The following ADAMTSL3 variants were observed in gnomAD, a reference collection of about 807,000 sequenced individuals.
ADAMTSL3 encodes the protein ADAMTS-like protein 3.
ADAMTSL3 carries 128 observed loss-of-function variants against 201.7 expected under a neutral mutation model. The observed-to-expected ratio is 0.63, with a 90% CI of 0.55 to 0.73. The LOEUF is 0.73. Ranked by LOEUF, ADAMTSL3 falls within the 30% of genes least tolerant of loss-of-function variation. The pLI is 0.00. For missense variants in ADAMTSL3, 1,990 were observed against 2,119.6 expected (o/e 0.94, Z 1.20); for synonymous variants, 738 against 748.4 (o/e 0.99, Z 0.23).
chr15:83,911,074 G>C (rs1249001790), intron 15 of ADAMTSL3, among the ~76,000 whole-genome samples: 3 of 152,082 alleles, frequency 2.0e-5, no homozygotes, highest in Non-Finnish European at 4.4e-5. Context: ...AAGGAGAAAA[G>C]AGAGAAAAAA....
At chr15:83,774,480 G>A (rs1364598921) in intron 4 of ADAMTSL3, among the ~76,000 whole-genome samples, 1 of 152,206 alleles carries the variant, frequency 6.6e-6, no homozygotes, top group Non-Finnish European at 1.5e-5. Context: ...GTTTCCTTGA[G>A]ACATTGCAGA....
intron 5 of ADAMTSL3, among the ~76,000 whole-genome samples, chr15:83,806,656 C>T (rs895470689): frequency 5.9e-5 from 9 of 151,978 alleles, no homozygotes; most frequent in Non-Finnish European, 8.8e-5. Context: ...GAGTTTAAGA[C>T]AAGCCTGGCC....
intron 2 of ADAMTSL3, among the ~76,000 whole-genome samples, chr15:83,671,044 TG>T (rs1156778336): frequency 7.3e-5 from 11 of 149,748 alleles, no homozygotes; most frequent in East Asian, 4.5e-4. Context: ...CATGATATAT[TG>T]TTTTTTTTAA....
chr15:83,866,858 C>T (rs910237668), intron 8 of ADAMTSL3, among the ~76,000 whole-genome samples: 29 of 152,154 alleles, frequency 1.9e-4, no homozygotes, highest in African/African-American at 6.5e-4. Context: ...TCAAGACTGG[C>T]ACTCGTCCAA....
intron 3 of ADAMTSL3, among the ~76,000 whole-genome samples, chr15:83,748,539 C>T (rs1306923922): frequency 6.7e-6 from 1 of 150,278 alleles, no homozygotes; most frequent in African/African-American, 2.5e-5. Context: ...TAGTCCCAGC[C>T]AGTTGGAGGC....
At chr15:83,902,305 C>G (rs1192724925) in intron 15 of ADAMTSL3, among the ~76,000 whole-genome samples, 2 of 152,180 alleles carry the variant, frequency 1.3e-5, no homozygotes, top group East Asian at 1.9e-4. Context: ...GAGTCTCACT[C>G]TGTTGCCCAG....
intron 4 of ADAMTSL3, among the ~76,000 whole-genome samples, chr15:83,801,670 A>ATATATATATATATATATATATG: frequency 1.5e-5 from 1 of 66,242 alleles, no homozygotes; most frequent in Non-Finnish European, 3.4e-5. Flanking sequence ...ATATATATAT[A>ATATATATATATATATATATATG]TATATATATA....
At chr15:83,994,012 G>A (rs117284385) in intron 23 of ADAMTSL3, among the ~76,000 whole-genome samples, 1 of 152,332 alleles carries the variant, frequency 6.6e-6, no homozygotes, top group East Asian at 1.9e-4. Flanking sequence ...TCTCTAAAGT[G>A]TTTTGTTGTG....
At chr15:83,992,624 C>A (rs1371741861) in intron 23 of ADAMTSL3, among the ~76,000 whole-genome samples, 1 of 152,190 alleles carries the variant, frequency 6.6e-6, no homozygotes, top group Admixed American at 6.5e-5. Context: ...AACATGACTT[C>A]TAAATTTTTC....
intron 2 of ADAMTSL3, among the ~76,000 whole-genome samples, chr15:83,693,385 G>T (rs1482189258): frequency 6.6e-6 from 1 of 152,196 alleles, no homozygotes; most frequent in Non-Finnish European, 1.5e-5. Context: ...CCATGCTCGG[G>T]CCTGGCCAGG....
chr15:83,823,207 A>AGGGG (rs1567168853), intron 6 of ADAMTSL3, among the ~76,000 whole-genome samples: 11 of 63,034 alleles, frequency 1.7e-4, no homozygotes, highest in African/African-American at 2.7e-4. Flanking sequence ...AGGGTGAGGG[A>AGGGG]GAGGGTGAGG....
intron 5 of ADAMTSL3, among the ~76,000 whole-genome samples, chr15:83,808,600 A>G (rs1003686040): frequency 8.5e-5 from 13 of 152,248 alleles, no homozygotes; most frequent in African/African-American, 2.9e-4. Flanking sequence ...TAGAACTACA[A>G]TATGATCCAG....
intron 17 of ADAMTSL3, among the ~76,000 whole-genome samples, chr15:83,931,491 G>A (rs2066354627): frequency 6.6e-6 from 1 of 152,154 alleles, no homozygotes; most frequent in African/African-American, 2.4e-5. Context: ...GAAACCTTCT[G>A]ATTATTTAGC....
chr15:83,983,347 A>C lies in ADAMTSL3; in HGVS notation c.3716+3A>C. 6.8e-7 allele frequency: 1 copy of C among 1,470,058 alleles called. No individual in the cohort carries two copies. Among genetic ancestry groups the C allele is most frequent in the Non-Finnish European group, 9.0e-7 (1 of 1,108,038 alleles). The allele number at this position is 1,470,058 out of a possible 1,614,324, so 91.1% of individuals were successfully genotyped here. ...ACCTTGTTACAGCCCTCAGTAAAGT[A>C]AGTAAAATAAAAATGCAGTATTCAT... On this transcript the variant is annotated splice_donor_region_variant and intron_variant, in intron 21 of 29. Coordinates refer to ENST00000286744, the MANE Select transcript of ADAMTSL3 (RefSeq NM_207517.3).
intron 5 of ADAMTSL3, among the ~76,000 whole-genome samples, chr15:83,807,544 C>T (rs1399770851): frequency 6.6e-6 from 1 of 152,120 alleles, no homozygotes; most frequent in South Asian, 2.1e-4. Context: ...TTAAAATGTC[C>T]TTACTATCCA....
intron 6 of ADAMTSL3, among the ~76,000 whole-genome samples, chr15:83,825,989 G>A (rs561747841): frequency 1.3e-4 from 20 of 152,204 alleles, no homozygotes; most frequent in African/African-American, 4.6e-4. Flanking sequence ...CAAAGTGGCA[G>A]ATTATTTGCA....
chr15:83,693,063 T>TG (rs1267499723), intron 2 of ADAMTSL3, among the ~76,000 whole-genome samples: 2 of 152,180 alleles, frequency 1.3e-5, no homozygotes, highest in Admixed American at 1.3e-4. Context: ...TAATGCTTTT[T>TG]TTTTCTTTCT....
At chr15:84,016,313 G>A (rs1341268150) in intron 24 of ADAMTSL3, 70 bp from the exon 25 acceptor site, 2 of 1,250,792 alleles carry the variant, frequency 1.6e-6, no homozygotes, top group African/African-American at 1.5e-5. Context: ...CTGTCTTTAA[G>A]AACACCCAAG....
intron 3 of ADAMTSL3, among the ~76,000 whole-genome samples, chr15:83,741,332 G>T (rs2062451695): frequency 6.6e-6 from 1 of 151,854 alleles, no homozygotes; most frequent in South Asian, 2.1e-4. Context: ...GGAATGAAAG[G>T]ATGGTTTAAA....
Sources: gnomAD v4.1 joint callset for allele counts (sites outside exome capture counted in the v4.1 genomes callset) on GRCh38, gnomAD v4.1.1 for gene constraint, MANE v1.5 for transcripts, NCBI Gene and HGNC (gene_info 2026-07-23, HGNC 2026-07-21) for gene names.